SNORD118: variants seen among roughly 807,000 people sequenced by gnomAD.
SNORD118 encodes small nucleolar RNA, C/D box 118.
rs1983808478 is a variant in SNORD118 at position 8,173,509 on chromosome 17, ACGTTTCAT to A, written n.71_78del. The A allele has an allele frequency of 1.3e-6, 1 of 765,374 alleles. No homozygotes were observed. Among genetic ancestry groups the A allele is most frequent in the Non-Finnish European group, 2.4e-6 (1 of 418,040 alleles). 47.4% of individuals were successfully genotyped at this position (765,374 alleles called of 1,614,324 possible). The stretch of plus-strand genomic sequence containing the variant: ...TCCTGATTACGCAGAGACGTTAATC[ACGTTTCAT>A]GCATCTCCAATCATCATGTTCTAAT... On this transcript the variant is annotated non_coding_transcript_exon_variant, in exon 1 of 1. Coordinates refer to ENST00000363593, the Ensembl canonical transcript of SNORD118.
At position 8,173,575 on chromosome 17, in the gene SNORD118, T is replaced by G. The variant is rs777501044; in HGVS notation, n.13A>C. On this transcript the variant is annotated non_coding_transcript_exon_variant, in exon 1 of 1. Coordinates refer to ENST00000363593, the Ensembl canonical transcript of SNORD118. ...CCGGAGGAGGAACAGGTAAGGATTA[T>G]CCCACCTGACGATACAGACAAACAG... 1.0e-4 allele frequency: 78 copies of G among 764,710 alleles called. No individual in the cohort carries two copies. The highest frequency in any genetic ancestry group is 1.5e-4 in the Non-Finnish European group (63 of 417,684). 47.4% of individuals were successfully genotyped at this position (764,710 alleles called of 1,614,324 possible).
At chr17:8,173,459 A>C (rs754582308) in exon 1 of SNORD118, 2 of 764,096 alleles carry the variant, frequency 2.6e-6, no homozygotes, top group Non-Finnish European at 4.8e-6. Flanking sequence ...AAAGAATCAG[A>C]CAGGAGCAAT....
exon 1 of SNORD118, chr17:8,173,576 C>CT (rs1567551314): frequency 1.3e-6 from 1 of 764,672 alleles, no homozygotes; most frequent in African/African-American, 1.7e-5. Flanking sequence ...TAAGGATTAT[C>CT]CCACCTGACG....
exon 1 of SNORD118, chr17:8,173,464 A>C (rs761048618): frequency 1.3e-6 from 1 of 764,328 alleles, no homozygotes; most frequent in Admixed American, 1.7e-5. Context: ...ATCAGACAGG[A>C]GCAATCAGGG....
chr17:8,173,461 AG>A (rs760914127), exon 1 of SNORD118: 8 of 764,054 alleles, frequency 1.0e-5, no homozygotes, highest in Non-Finnish European at 1.7e-5. Flanking sequence ...AGAATCAGAC[AG>A]GAGCAATCAG....
exon 1 of SNORD118, chr17:8,173,456 C>A: frequency 2.6e-6 from 2 of 763,244 alleles, no homozygotes; most frequent in Middle Eastern, 2.7e-4. Context: ...CAGAAAGAAT[C>A]AGACAGGAGC....
chr17:8,173,504 T>A (rs375321751), exon 1 of SNORD118: 1 of 765,310 alleles, frequency 1.3e-6, no homozygotes, highest in East Asian at 2.4e-5. Flanking sequence ...GCAGAGACGT[T>A]AATCACGTTT....
At chr17:8,173,543 C>T (rs140061096) in exon 1 of SNORD118, 110 of 765,398 alleles carry the variant, frequency 1.4e-4, no homozygotes, top group Middle Eastern at 2.3e-4. Flanking sequence ...ATGTTCTAAT[C>T]TGCCCTCCGG....
rs562912181 is a variant in SNORD118, at chr17:8,173,486, C to T, written n.102G>A. ...AGGAGCAATCAGGGTGTTGCAAGTC[C>T]TGATTACGCAGAGACGTTAATCACG... is the stretch of plus-strand genomic sequence containing the variant. On this transcript the variant is annotated non_coding_transcript_exon_variant, in exon 1 of 1. Coordinates refer to ENST00000363593, the Ensembl canonical transcript of SNORD118. 2.0e-5 allele frequency: 15 copies of T among 765,008 alleles called. No homozygotes were observed. Among genetic ancestry groups the T allele is most frequent in the East Asian group, 9.7e-5 (4 of 41,246 alleles). The allele number at this position is 765,008 out of a possible 1,614,324, so 47.4% of individuals were successfully genotyped here.
In SNORD118 at chr17:8,173,543, C is replaced by G. The variant is rs140061096; in HGVS notation, n.45G>C. 12 of 765,286 alleles carry G rather than the reference C, an allele frequency of 1.6e-5. No individual in the cohort carries two copies. Among genetic ancestry groups the G allele is most frequent in the Admixed American group, 6.8e-5 (4 of 59,006 alleles). The allele number at this position is 765,286 out of a possible 1,614,324, so 47.4% of individuals were successfully genotyped here. ...GCATCTCCAATCATCATGTTCTAAT[C>G]TGCCCTCCGGAGGAGGAACAGGTAA... is the stretch of plus-strand genomic sequence containing the variant. On this transcript the variant is annotated non_coding_transcript_exon_variant, in exon 1 of 1. Coordinates refer to ENST00000363593, the Ensembl canonical transcript of SNORD118.
At chr17:8,173,522 C>A in exon 1 of SNORD118, 2 of 765,392 alleles carry the variant, frequency 2.6e-6, no homozygotes, top group East Asian at 2.4e-5. Flanking sequence ...TTTCATGCAT[C>A]TCCAATCATC....
chr17:8,173,588 TACAG>T (rs772938998), upstream of SNORD118: 7 of 763,862 alleles, frequency 9.2e-6, no homozygotes, highest in African/African-American at 3.4e-5. Flanking sequence ...CACCTGACGA[TACAG>T]ACAAACAGCC....
rs201397948 is a variant in SNORD118 at position 8,173,466 on chromosome 17, C to G, written n.122G>C. On this transcript the variant is annotated non_coding_transcript_exon_variant, in exon 1 of 1. Coordinates refer to ENST00000363593, the Ensembl canonical transcript of SNORD118. ...ATCGTCAGAAAGAATCAGACAGGAG[C>G]AATCAGGGTGTTGCAAGTCCTGATT... is the stretch of plus-strand genomic sequence containing the variant. 9 of 764,180 alleles carry G rather than the reference C, an allele frequency of 1.2e-5. No individual in the cohort carries two copies. Among genetic ancestry groups the G allele is most frequent in the Admixed American group, 5.1e-5 (3 of 58,944 alleles). The allele number at this position is 764,180 out of a possible 1,614,324, so 47.3% of individuals were successfully genotyped here.
chr17:8,173,576 C>A (rs373542197), exon 1 of SNORD118: 5 of 764,678 alleles, frequency 6.5e-6, no homozygotes, highest in South Asian at 1.3e-5. Context: ...TAAGGATTAT[C>A]CCACCTGACG....
chr17:8,173,588 T>G (rs532883630), upstream of SNORD118: 3 of 763,744 alleles, frequency 3.9e-6, no homozygotes, highest in African/African-American at 5.1e-5. Flanking sequence ...CACCTGACGA[T>G]ACAGACAAAC....
At chr17:8,173,467 A>T (rs919944133) in exon 1 of SNORD118, 1 of 764,522 alleles carries the variant, frequency 1.3e-6, no homozygotes, top group Non-Finnish European at 2.4e-6. Flanking sequence ...AGACAGGAGC[A>T]ATCAGGGTGT....
At position 8,173,586 on chromosome 17, in the gene SNORD118, G is replaced by C. The variant is rs117735243; in HGVS notation, n.2C>G. 1.8e-5 allele frequency: 14 copies of C among 763,936 alleles called. No individual in the cohort carries two copies. Among genetic ancestry groups the C allele is most frequent in the African/African-American group, 1.5e-4 (9 of 59,092 alleles). The allele number at this position is 763,936 out of a possible 1,614,324, so 47.3% of individuals were successfully genotyped here. A position where few individuals can be genotyped will look rare whatever the true frequency, so the allele number is the denominator to read the frequency against. Reference sequence around the variant, plus strand: ...ACAGGTAAGGATTATCCCACCTGACGATACAGACAAACAGCCGACATTCTG... The same window carrying C: ...ACAGGTAAGGATTATCCCACCTGACCATACAGACAAACAGCCGACATTCTG... On this transcript the variant is annotated non_coding_transcript_exon_variant, in exon 1 of 1. Transcript: ENST00000363593.
exon 1 of SNORD118, chr17:8,173,510 C>T (rs776333257): frequency 3.0e-5 from 23 of 765,184 alleles, no homozygotes; most frequent in East Asian, 7.3e-5. Context: ...ACGTTAATCA[C>T]GTTTCATGCA....
exon 1 of SNORD118, chr17:8,173,478 T>TA: frequency 1.3e-6 from 1 of 764,858 alleles, no homozygotes; most frequent in Non-Finnish European, 2.4e-6. Context: ...ATCAGGGTGT[T>TA]GCAAGTCCTG....
Sources: allele counts gnomAD v4.1 joint callset, GRCh38; gene constraint gnomAD v4.1.1; transcripts MANE v1.5; gene names NCBI Gene and HGNC (gene_info 2026-07-23, HGNC 2026-07-21).